NBPF20: variants seen among roughly 807,000 people sequenced by gnomAD.
The protein encoded by NBPF20 is NBPF family member NBPF20.
Under a neutral mutation model 68.1 loss-of-function variants are expected in NBPF20, and 90 were observed. The ratio of observed to expected loss-of-function variants is 1.32; its 90% CI spans 1.11 to 1.58. The LOEUF is 1.58. Among genes scored for constraint, NBPF20 ranks in the 40% most tolerant of loss-of-function variants. The pLI is 0.00. For missense variants in NBPF20, 816 were observed against 601.2 expected, an observed-to-expected ratio of 1.36 and a Z score of -3.74; for synonymous variants, 290 against 228.1, an observed-to-expected ratio of 1.27 and a Z score of -2.45.
chr1:145,334,885 C>A (rs1463893641), intron 83 of NBPF20, among the ~76,000 whole-genome samples: 16 of 136,432 alleles, frequency 1.2e-4, no homozygotes, highest in African/African-American at 3.5e-4. Context: ...GCGAGTTGGC[C>A]GGGTGACACA....
the NBPF20 span, among the ~76,000 whole-genome samples, chr1:145,419,731 G>A: frequency 6.6e-6 from 1 of 152,070 alleles, no homozygotes; most frequent in Non-Finnish European, 1.5e-5. Flanking sequence ...CCCTCTCAAT[G>A]CCTGCAGTGG....
chr1:145,425,542 C>CAA, the NBPF20 span, among the ~76,000 whole-genome samples: 1 of 152,228 alleles, frequency 6.6e-6, no homozygotes, highest in Non-Finnish European at 1.5e-5. Flanking sequence ...GCCGCTGTCT[C>CAA]AACCGCCGCC....
chr1:145,342,831 G>T, intron 73 of NBPF20, among the ~76,000 whole-genome samples: 1 of 97,300 alleles, frequency 1.0e-5, no homozygotes, highest in Admixed American at 1.1e-4. Context: ...CGAGCTCAGT[G>T]AATTGTCCAG....
chr1:145,395,621 C>T (rs1404904091), intron 7 of NBPF20, among the ~76,000 whole-genome samples: 2 of 149,702 alleles, frequency 1.3e-5, no homozygotes, highest in South Asian at 2.1e-4. Context: ...CAACATACTA[C>T]CAACAAATAG....
exon 2 of NBPF20, chr1:145,405,248 A>C (rs1553666864): frequency 1.2e-6 from 2 of 1,610,370 alleles, no homozygotes; most frequent in African/African-American, 1.3e-5. Flanking sequence ...TTCTCGCTGG[A>C]CCAAGGGCCG....
the NBPF20 span, among the ~76,000 whole-genome samples, chr1:145,420,182 T>TG: frequency 1.5e-5 from 2 of 133,824 alleles, no homozygotes; most frequent in African/African-American, 2.8e-5. Flanking sequence ...GGGCAGAGAA[T>TG]GGGGGGTAAG....
chr1:145,398,209 C>T (rs1662354061), intron 7 of NBPF20, among the ~76,000 whole-genome samples: 1 of 151,778 alleles, frequency 6.6e-6, no homozygotes, highest in Non-Finnish European at 1.5e-5. Context: ...AGGACTTGAA[C>T]TCAGCTCTCC....
chr1:145,298,371 GAC>G (rs1194170645), intron 129 of NBPF20, among the ~76,000 whole-genome samples: 20 of 139,052 alleles, frequency 1.4e-4, no homozygotes, highest in South Asian at 1.4e-3. Flanking sequence ...CACACACACA[GAC>G]ACACACACAC....
the NBPF20 span, among the ~76,000 whole-genome samples, chr1:145,421,660 T>C: frequency 6.6e-6 from 1 of 152,068 alleles, no homozygotes; most frequent in South Asian, 2.1e-4. Context: ...AAAATAATCA[T>C]AATAACAACA....
At chr1:145,334,932 C>A (rs1661564581) in intron 83 of NBPF20, among the ~76,000 whole-genome samples, 1 of 124,070 alleles carries the variant, frequency 8.1e-6, no homozygotes, top group Non-Finnish European at 1.9e-5. Context: ...GAGTTAGTGC[C>A]CTCGGGACAC....
intron 112 of NBPF20, among the ~76,000 whole-genome samples, chr1:145,311,975 A>C (rs1268612689): frequency 1.1e-5 from 1 of 87,860 alleles, no homozygotes; most frequent in Non-Finnish European, 2.1e-5. Context: ...TCATGAGAGT[A>C]GGATTAGGGC....
chr1:145,422,276 T>C, the NBPF20 span, among the ~76,000 whole-genome samples: 1 of 151,200 alleles, frequency 6.6e-6, no homozygotes, highest in Non-Finnish European at 1.5e-5. Flanking sequence ...ACTGTAGCTC[T>C]GTGAGGCTCA....
In NBPF20 at chr1:145,291,776, A is replaced by C. The variant is rs1553657780; in HGVS notation, c.16698-7T>G. On this transcript the variant is annotated splice_polypyrimidine_tract_variant and splice_region_variant and intron_variant, in intron 137 of 137. Transcript: ENST00000369373. ...CATCAGCACGCCGTTGAGCCTGGAA[A>C]AGGAGACAAAACTAAAGAAGCAGCC... The C allele has an allele frequency of 1.9e-6, 3 of 1,612,000 alleles. No individual in the cohort carries two copies. The highest frequency in any genetic ancestry group is 3.3e-5 in the Admixed American group (2 of 60,020).
chr1:145,400,655 G>A (rs1662479801), intron 5 of NBPF20, 61 bp from the exon 11 acceptor site: 3 of 1,565,036 alleles, frequency 1.9e-6, no homozygotes, highest in African/African-American at 2.7e-5. Flanking sequence ...TGGACCCCAG[G>A]GAGTCCTAGC....
chr1:145,402,284 G>T (rs1196339572), exon 4 of NBPF20: 3 of 1,610,346 alleles, frequency 1.9e-6, no homozygotes, highest in Admixed American at 1.7e-5. Context: ...GCCTGGAGAT[G>T]CTCATTCAAT....
intron 7 of NBPF20, among the ~76,000 whole-genome samples, chr1:145,397,976 A>C (rs1662341329): frequency 6.6e-6 from 1 of 152,206 alleles, no homozygotes; most frequent in Admixed American, 6.5e-5. Flanking sequence ...CCAAGATCAA[A>C]AGAGACAAAG....
exon 138 of NBPF20, chr1:145,290,271 C>T (rs1484237951): frequency 6.7e-6 from 1 of 149,082 alleles, no homozygotes; most frequent in East Asian, 1.9e-4. Flanking sequence ...TTCCCAAGTA[C>T]TTCTTCATTA....
At chr1:145,419,480 G>A in the NBPF20 span, among the ~76,000 whole-genome samples, 1 of 152,064 alleles carries the variant, frequency 6.6e-6, no homozygotes, top group Non-Finnish European at 1.5e-5. Context: ...ATAAGTTCTG[G>A]TGCCCAAAAG....
chr1:145,410,781 C>T, the NBPF20 span, among the ~76,000 whole-genome samples: 3 of 118,048 alleles, frequency 2.5e-5, no homozygotes, highest in Non-Finnish European at 3.4e-5. Flanking sequence ...TATATATATA[C>T]ACACACATAT....
Sources: allele counts gnomAD v4.1 joint callset (sites outside exome capture counted in the v4.1 genomes callset), GRCh38; gene constraint gnomAD v4.1.1; transcripts MANE v1.5; gene names NCBI Gene and HGNC (gene_info 2026-07-23, HGNC 2026-07-21).